The following MYO16 variants were observed in gnomAD, a reference collection of about 807,000 sequenced individuals.
MYO16 encodes the protein myosin XVI.
A neutral mutation model predicts 205.3 loss-of-function variants in MYO16; 94 were observed. That is an observed-to-expected ratio of 0.46 (90% CI 0.39 to 0.54). The LOEUF is 0.54. Ranked by LOEUF, MYO16 falls within the 20% of genes least tolerant of loss-of-function variation. The probability of loss-of-function intolerance (pLI) is 0.00; values close to 1 mark genes in which losing one functional copy is unlikely to be tolerated. For synonymous variants in MYO16, 988 were observed against 954.0 expected (o/e 1.04, Z -0.66); for missense variants, 2,315 against 2,387.5 (o/e 0.97, Z 0.63).
rs189842049 is a variant in MYO16 at position 108,973,577 on chromosome 13, G to A, written c.2369+8675G>A. ...ACGTTGCCCCTGTGTCCCCAAGTCC[G>A]ACTGAGGTGATCTGTAGAAGGTGGC... On this transcript the variant is annotated intron_variant, in intron 20 of 34. Coordinates refer to ENST00000457511, the MANE Select transcript of MYO16 (RefSeq NM_001198950.3). Among the ~76,000 whole-genome samples, 304 of 152,216 alleles carry A rather than the reference G, an allele frequency of 2.0e-3. 1 individual carries two copies. The highest frequency in any genetic ancestry group is 7.0e-3 in the African/African-American group (291 of 41,522).
the MYO16 span, among the ~76,000 whole-genome samples, chr13:108,539,596 T>A: frequency 3.1e-3 from 465 of 152,216 alleles, 2 homozygotes; most frequent in African/African-American, 0.01. Context: ...TTACAGTAGT[T>A]GTGTGCAGAT....
chr13:109,064,568 T>C (rs1462351769), intron 27 of MYO16, among the ~76,000 whole-genome samples: 1 of 152,220 alleles, frequency 6.6e-6, no homozygotes, highest in East Asian at 1.9e-4. Context: ...GGTTTAGAAG[T>C]AGCATACCTA....
At chr13:108,640,094 G>A (rs909001575) in intron 1 of MYO16, among the ~76,000 whole-genome samples, 3 of 152,142 alleles carry the variant, frequency 2.0e-5, no homozygotes, top group African/African-American at 7.2e-5. Flanking sequence ...TTAGCATACT[G>A]GTTTCATTTA....
At chr13:108,765,637 C>G (rs867622007) in intron 4 of MYO16, among the ~76,000 whole-genome samples, 2 of 152,152 alleles carry the variant, frequency 1.3e-5, no homozygotes, top group Middle Eastern at 3.2e-3. Context: ...CATCTCATCC[C>G]CATCAGATAC....
chr13:108,791,367 C>A (rs114892115), intron 5 of MYO16, among the ~76,000 whole-genome samples: 2,527 of 152,284 alleles, frequency 0.017, 22 homozygotes, highest in Middle Eastern at 0.051. Context: ...GTATATGACA[C>A]ACCTAAATGA....
chr13:108,611,899 C>T (rs1375739782), intron 1 of MYO16, among the ~76,000 whole-genome samples: 1 of 148,712 alleles, frequency 6.7e-6, no homozygotes, highest in Admixed American at 6.7e-5. Flanking sequence ...CTTATTTCTG[C>T]AAAATGCTTG....
intron 10 of MYO16, among the ~76,000 whole-genome samples, chr13:108,850,713 C>T (rs1467942122): frequency 1.3e-5 from 2 of 152,196 alleles, no homozygotes; most frequent in Non-Finnish European, 2.9e-5. Context: ...TTGATAGCCT[C>T]GCTTAAGATT....
At chr13:108,823,369 G>C in intron 9 of MYO16, 91 bp downstream of exon 9, 1 of 1,214,926 alleles carries the variant, frequency 8.2e-7, no homozygotes. Flanking sequence ...CAGCCAAAGA[G>C]TTAGAACAAT....
At chr13:109,153,626 G>A (rs567610015) in intron 32 of MYO16, among the ~76,000 whole-genome samples, 1 of 152,248 alleles carries the variant, frequency 6.6e-6, no homozygotes, top group South Asian at 2.1e-4. Flanking sequence ...GGGCATGGTG[G>A]TGTGGGCCTG....
At chr13:108,749,445 GA>G (rs1160929486) in intron 4 of MYO16, among the ~76,000 whole-genome samples, 1 of 152,094 alleles carries the variant, frequency 6.6e-6, no homozygotes, top group East Asian at 1.9e-4. Flanking sequence ...ACCCAAATAA[GA>G]ATGGGCAAAA....
intron 32 of MYO16, among the ~76,000 whole-genome samples, chr13:109,156,773 C>T (rs1483599477): frequency 2.0e-5 from 3 of 152,088 alleles, no homozygotes; most frequent in Non-Finnish European, 4.4e-5. Context: ...CCTGCAAGCC[C>T]ACATCTGCCC....
At chr13:108,510,459 C>G in the MYO16 span, among the ~76,000 whole-genome samples, 1 of 25,414 alleles carries the variant, frequency 3.9e-5, no homozygotes, top group Non-Finnish European at 7.1e-5. Context: ...ACATTGATAG[C>G]TGTTTTTTTT....
chr13:108,548,266 A>G, the MYO16 span, among the ~76,000 whole-genome samples: 1 of 139,286 alleles, frequency 7.2e-6, no homozygotes, highest in African/African-American at 2.7e-5. Context: ...TGGGAATGAG[A>G]GTTAGGATGA....
intron 34 of MYO16, among the ~76,000 whole-genome samples, chr13:109,186,138 C>T (rs932427547): frequency 6.6e-6 from 1 of 152,024 alleles, no homozygotes; most frequent in African/African-American, 2.4e-5. Flanking sequence ...TGCATTCCAG[C>T]CTAAGCAACA....
chr13:109,185,773 G>A (rs1879660907), intron 34 of MYO16, among the ~76,000 whole-genome samples: 1 of 152,160 alleles, frequency 6.6e-6, no homozygotes, highest in Non-Finnish European at 1.5e-5. Flanking sequence ...TCACAATGAA[G>A]TTTGCACGTA....
chr13:109,206,904 T>C lies in MYO16; in HGVS notation c.*68T>C, dbSNP rs1195501473. 2.1e-6 allele frequency: 3 copies of C among 1,418,078 alleles called. No homozygotes were observed. The highest frequency in any genetic ancestry group is 1.4e-5 in the African/African-American group (1 of 70,358). The allele number at this position is 1,418,078 out of a possible 1,614,324, so 87.8% of individuals were successfully genotyped here. ...ATTCCGGGCTGCAACAACAGAAGGC[T>C]GCCTTCTGACATGCGCTGGGGCTTC... On this transcript the variant is annotated 3_prime_UTR_variant, in exon 35 of 35. Transcript: ENST00000457511.
chr13:108,826,412 A>C (rs2139029172), intron 9 of MYO16, among the ~76,000 whole-genome samples: 1 of 152,298 alleles, frequency 6.6e-6, no homozygotes, highest in African/African-American at 2.4e-5. Context: ...TCATACATAA[A>C]AATTAACTCA....
chr13:108,570,728 T>C, the MYO16 span, among the ~76,000 whole-genome samples: 1 of 152,248 alleles, frequency 6.6e-6, no homozygotes, highest in Non-Finnish European at 1.5e-5. Flanking sequence ...GGAAGTCTTT[T>C]TATTCAGAAC....
intron 13 of MYO16, among the ~76,000 whole-genome samples, chr13:108,884,916 A>T (rs1445210711): frequency 1.3e-5 from 2 of 152,040 alleles, no homozygotes; most frequent in Non-Finnish European, 2.9e-5. Flanking sequence ...AAAGGCACTG[A>T]GACAGGGGCT....
Sources: gnomAD v4.1 joint callset for allele counts (sites outside exome capture counted in the v4.1 genomes callset) on GRCh38, gnomAD v4.1.1 for gene constraint, MANE v1.5 for transcripts, NCBI Gene and HGNC (gene_info 2026-07-23, HGNC 2026-07-21) for gene names.